Variants in BCAS3 observed in about 807,000 individuals in gnomAD.
The protein encoded by BCAS3 is BCAS4/BCAS3 fusion.
BCAS3 carries 53 observed loss-of-function variants against 116.1 expected under a neutral mutation model. That is an observed-to-expected ratio of 0.46 (90% CI 0.37 to 0.57). BCAS3 has a LOEUF of 0.57. BCAS3 is among the 20% of genes least tolerant of loss of function. The pLI is 0.00. For missense variants in BCAS3, 917 were observed against 1,165.4 expected, an observed-to-expected ratio of 0.79 and a Z score of 3.10; for synonymous variants, 391 against 408.2, an observed-to-expected ratio of 0.96 and a Z score of 0.51.
At chr17:61,108,105 A>C (rs2074792614) in intron 22 of BCAS3, among the ~76,000 whole-genome samples, 1 of 151,992 alleles carries the variant, frequency 6.6e-6, no homozygotes, top group Non-Finnish European at 1.5e-5. Flanking sequence ...CTCTGTTTTT[A>C]GTGCATGCGC....
chr17:61,341,043 G>A (rs2057116208), intron 22 of BCAS3, among the ~76,000 whole-genome samples: 1 of 152,214 alleles, frequency 6.6e-6, no homozygotes, highest in African/African-American at 2.4e-5. Flanking sequence ...GTTGCTGACA[G>A]GGTCATCTGT....
At chr17:60,702,039 C>T (rs2036489699) in intron 4 of BCAS3, among the ~76,000 whole-genome samples, 1 of 151,092 alleles carries the variant, frequency 6.6e-6, no homozygotes. Flanking sequence ...TGTATAGATA[C>T]ACACACACAC....
intron 22 of BCAS3, among the ~76,000 whole-genome samples, chr17:61,185,100 G>A (rs1166941900): frequency 6.6e-6 from 1 of 151,162 alleles, no homozygotes; most frequent in Non-Finnish European, 1.5e-5. Flanking sequence ...GTAAATTAAA[G>A]CCCTTACAAA....
intron 22 of BCAS3, among the ~76,000 whole-genome samples, chr17:61,149,714 A>G (rs955713235): frequency 1.2e-4 from 19 of 152,206 alleles, no homozygotes; most frequent in African/African-American, 3.6e-4. Context: ...CACTTTGTGA[A>G]GGCTTTGAAA....
chr17:60,870,954 T>G (rs2055047209), intron 8 of BCAS3, among the ~76,000 whole-genome samples: 1 of 152,234 alleles, frequency 6.6e-6, no homozygotes, highest in South Asian at 2.1e-4. Context: ...TAAAGTTCTT[T>G]CTAGCACAAG....
intron 19 of BCAS3, among the ~76,000 whole-genome samples, chr17:61,053,573 C>T (rs1175373725): frequency 6.6e-6 from 1 of 152,208 alleles, no homozygotes; most frequent in Non-Finnish European, 1.5e-5. Context: ...TCAAATGTCA[C>T]ATTAGATTTA....
intron 6 of BCAS3, among the ~76,000 whole-genome samples, chr17:60,807,481 T>C (rs1308674343): frequency 6.6e-6 from 1 of 151,856 alleles, no homozygotes; most frequent in Admixed American, 6.6e-5. Flanking sequence ...AATTGAAACT[T>C]AAAAAAAATG....
intron 22 of BCAS3, among the ~76,000 whole-genome samples, chr17:61,246,131 T>A (rs116127765): frequency 5.1e-4 from 78 of 152,202 alleles, no homozygotes; most frequent in African/African-American, 1.9e-3. Flanking sequence ...TATCACGACC[T>A]CATAACTGAT....
intron 7 of BCAS3, among the ~76,000 whole-genome samples, chr17:60,842,032 A>C (rs766240232): frequency 1.3e-5 from 2 of 152,144 alleles, no homozygotes; most frequent in Non-Finnish European, 2.9e-5. Flanking sequence ...ATGAAAATTT[A>C]CCAAGGTGTA....
At position 61,265,420 on chromosome 17, in the gene BCAS3, AG is replaced by A. The variant is rs1426053847; in HGVS notation, c.2426-102906del. Among the ~76,000 whole-genome samples, 1 of 151,514 alleles carries A rather than the reference AG, an allele frequency of 6.6e-6. No individual in the cohort carries two copies. Among genetic ancestry groups the A allele is most frequent in the Non-Finnish European group, 1.5e-5 (1 of 67,726 alleles). On this transcript the variant is annotated intron_variant, in intron 22 of 23. Coordinates refer to ENST00000407086, the MANE Select transcript of BCAS3 (RefSeq NM_017679.5). The surrounding 1 kb of genome is among the most constrained non-coding windows in gnomAD (Gnocchi z 4.3). The stretch of plus-strand genomic sequence containing the variant: ...ACTCTGTCTCAAGAAAAAAAAAAAA[AG>A]AAAGCACAGTACCTGATACATAACA...
rs2072840183 is a variant in BCAS3, at chr17:61,083,678, C to G, written c.2328-789C>G. On this transcript the variant is annotated intron_variant, in intron 21 of 23. Coordinates refer to ENST00000407086, the MANE Select transcript of BCAS3 (RefSeq NM_017679.5). This position sits in a 1 kb window ranked among gnomAD's most constrained non-coding sequence, Gnocchi z 4.9. ...TGGCACGATCTTGGCTCATTGCAAC[C>G]TCTGGTTTTTGGGTTCCAGCAGTTC... Among the ~76,000 whole-genome samples, 1 of 151,582 alleles carries G rather than the reference C, an allele frequency of 6.6e-6. No homozygotes were observed. Among genetic ancestry groups the G allele is most frequent in the Non-Finnish European group, 1.5e-5 (1 of 67,998 alleles).
intron 8 of BCAS3, among the ~76,000 whole-genome samples, chr17:60,871,613 T>G (rs58310197): frequency 0.12 from 18,461 of 151,466 alleles, 3,422 homozygotes; most frequent in African/African-American, 0.4. Context: ...TTTGTTTTTT[T>G]TTTTTTTGCA....
rs147097749 is a variant in BCAS3, at chr17:61,041,424, A to G, written c.2029+532A>G. Reference sequence around the variant, plus strand: ...CATTTGTAGAGACTGAACCAAGTTCATTGACCTAGATAACAGCTTTTTATA... The same window carrying G: ...CATTTGTAGAGACTGAACCAAGTTCGTTGACCTAGATAACAGCTTTTTATA... On this transcript the variant is annotated intron_variant, in intron 19 of 23. Transcript: ENST00000407086. This position sits in a 1 kb window ranked among gnomAD's most constrained non-coding sequence, Gnocchi z 4.7. 9.9e-5 allele frequency among the ~76,000 whole-genome samples: 15 copies of G among 152,280 alleles called. No individual in the cohort carries two copies. The East Asian group carries it at 2.7e-3, about 27-fold the overall frequency.
At chr17:60,844,663 G>A (rs1409022300) in intron 7 of BCAS3, among the ~76,000 whole-genome samples, 3 of 152,154 alleles carry the variant, frequency 2.0e-5, no homozygotes, top group Non-Finnish European at 4.4e-5. Flanking sequence ...GACCATCTAA[G>A]ACTACTGGCT....
In BCAS3 at chr17:61,211,278, G is replaced by A. The variant is rs1476076315; in HGVS notation, c.2425+126714G>A. On this transcript the variant is annotated intron_variant, in intron 22 of 23. Transcript: ENST00000407086. The surrounding 1 kb of genome is among the most constrained non-coding windows in gnomAD (Gnocchi z 4.4). Reference sequence around the variant, plus strand: ...TAATCCAGTTGGCCACCAAGGGGTTGTGCTTCCTTACTGACTGTATTTGTG... The same window carrying A: ...TAATCCAGTTGGCCACCAAGGGGTTATGCTTCCTTACTGACTGTATTTGTG... Among the ~76,000 whole-genome samples the A allele has an allele frequency of 6.6e-6, 1 of 152,190 alleles. No individual in the cohort carries two copies. Among genetic ancestry groups the A allele is most frequent in the East Asian group, 1.9e-4 (1 of 5,200 alleles).
intron 22 of BCAS3, among the ~76,000 whole-genome samples, chr17:61,311,762 C>CG (rs1487743881): frequency 6.6e-6 from 1 of 152,014 alleles, no homozygotes; most frequent in Non-Finnish European, 1.5e-5. Flanking sequence ...GGCATGGTGG[C>CG]GGGCGCCTGT....
chr17:60,977,068 G>A (rs1175343986), intron 14 of BCAS3, among the ~76,000 whole-genome samples: 2 of 151,844 alleles, frequency 1.3e-5, no homozygotes, highest in Non-Finnish European at 2.9e-5. Context: ...GGCGGGGGCT[G>A]CCCTGCACCT....
At chr17:61,242,290 A>AT (rs1189705074) in intron 22 of BCAS3, among the ~76,000 whole-genome samples, 2 of 151,728 alleles carry the variant, frequency 1.3e-5, no homozygotes, top group South Asian at 4.2e-4. Flanking sequence ...AAAAAAAAAA[A>AT]AAAATCCAAA....
chr17:61,267,513 G>A (rs1228228769), intron 22 of BCAS3, among the ~76,000 whole-genome samples: 3 of 151,252 alleles, frequency 2.0e-5, no homozygotes, highest in African/African-American at 4.8e-5. Context: ...CAAGGCGGGC[G>A]GATTGCTTGA....
Sources: allele counts gnomAD v4.1 joint callset (sites outside exome capture counted in the v4.1 genomes callset), GRCh38; gene constraint gnomAD v4.1.1; non-coding constraint Gnocchi (gnomAD v3.1); transcripts MANE v1.5; gene names NCBI Gene and HGNC (gene_info 2026-07-23, HGNC 2026-07-21).